The following GALNT11 variants were observed in gnomAD, a reference collection of about 807,000 sequenced individuals.
The protein encoded by GALNT11 is polypeptide N-acetylgalactosaminyltransferase 11.
GALNT11 carries 47 observed loss-of-function variants against 72.7 expected under a neutral mutation model. The ratio of observed to expected loss-of-function variants is 0.65; its 90% CI spans 0.51 to 0.82. The LOEUF is 0.82. Ranked by LOEUF, GALNT11 falls within the 40% of genes least tolerant of loss-of-function variation. The pLI is 0.00. For missense variants in GALNT11, 677 were observed against 778.4 expected, an observed-to-expected ratio of 0.87 and a Z score of 1.55; for synonymous variants, 270 against 286.6, an observed-to-expected ratio of 0.94 and a Z score of 0.58.
intron 8 of GALNT11, among the ~76,000 whole-genome samples, chr7:152,114,939 T>C (rs1020925133): frequency 6.6e-6 from 1 of 152,206 alleles, no homozygotes; most frequent in Admixed American, 6.5e-5. Flanking sequence ...TGCACAGTAA[T>C]TTTTCACACC....
chr7:152,088,400 A>C (rs1352865460), intron 1 of GALNT11, among the ~76,000 whole-genome samples: 1 of 151,656 alleles, frequency 6.6e-6, no homozygotes, highest in Admixed American at 6.6e-5. Flanking sequence ...TTTTTCTTTT[A>C]ATTTATGAAG....
chr7:152,070,792 A>T (rs2084590843), intron 1 of GALNT11, among the ~76,000 whole-genome samples: 1 of 152,158 alleles, frequency 6.6e-6, no homozygotes, highest in Non-Finnish European at 1.5e-5. Context: ...CTGCCCCAAT[A>T]TTCACGTAGG....
chr7:152,084,340 TTGAGTC>T (rs137992494), intron 1 of GALNT11, among the ~76,000 whole-genome samples: 1,671 of 149,550 alleles, frequency 0.011, 32 homozygotes, highest in African/African-American at 0.04. Context: ...AGTGTGGAGT[TTGAGTC>T]TAGCCCGGGC....
chr7:152,050,054 G>C (rs2083318589), intron 1 of GALNT11, among the ~76,000 whole-genome samples: 1 of 152,076 alleles, frequency 6.6e-6, no homozygotes. Context: ...CCATCCAAGA[G>C]CCAAGGCCTG....
At chr7:152,028,195 C>G (rs1288477332) in intron 1 of GALNT11, among the ~76,000 whole-genome samples, 2 of 152,222 alleles carry the variant, frequency 1.3e-5, no homozygotes, top group Non-Finnish European at 2.9e-5. Flanking sequence ...CTCCAGTGGC[C>G]TGCTTTTATT....
chr7:152,065,882 G>A (rs2084279189), intron 1 of GALNT11, among the ~76,000 whole-genome samples: 3 of 152,292 alleles, frequency 2.0e-5, no homozygotes, highest in South Asian at 4.1e-4. Flanking sequence ...AGGCTACTTG[G>A]GGGTCAGGGA....
At position 152,120,833 on chromosome 7, in the gene GALNT11, C is replaced by A; in HGVS notation, c.1560C>A (p.Ile520=). The stretch of plus-strand genomic sequence containing the variant: ...TTTATTTTATTTTTCTTCTCTAGAT[C>A]TGGATCTATAATGAAGAGCATGAAT... The part of the protein sequence containing the change: ...KACDYSDPNQ[I]WIYNEEHELV... The change falls in exon 11 of 12, where the codon ATC becomes ATA. Residue 520 remains isoleucine (I), a splice_region_variant and synonymous_variant. Coordinates refer to ENST00000430044, the MANE Select transcript of GALNT11 (RefSeq NM_022087.4). 6.2e-7 allele frequency: 1 copy of A among 1,600,496 alleles called. No homozygotes were observed. The highest frequency in any genetic ancestry group is 8.6e-7 in the Non-Finnish European group (1 of 1,169,454).
chr7:152,061,759 A>C (rs1355620355), intron 1 of GALNT11, among the ~76,000 whole-genome samples: 1 of 152,088 alleles, frequency 6.6e-6, no homozygotes, highest in Non-Finnish European at 1.5e-5. Context: ...TGTTTTTGTC[A>C]GGTTTGTCAA....
At chr7:152,111,615 T>C (rs1349912143) in intron 7 of GALNT11, among the ~76,000 whole-genome samples, 1 of 149,526 alleles carries the variant, frequency 6.7e-6, no homozygotes, top group Non-Finnish European at 1.5e-5. Flanking sequence ...GTTATTCCAC[T>C]CTGTGTGTGT....
At position 152,121,537 on chromosome 7, in the gene GALNT11, T is replaced by C. The variant is rs2089438788; in HGVS notation, c.1696-9T>C. 6.2e-7 allele frequency: 1 copy of C among 1,603,060 alleles called. No homozygotes were observed. Among genetic ancestry groups the C allele is most frequent in the Non-Finnish European group, 8.5e-7 (1 of 1,175,228 alleles). On this transcript the variant is annotated splice_polypyrimidine_tract_variant and intron_variant, in intron 11 of 11. Transcript: ENST00000430044. ...TGGCAGTATTTTTTTGTTGCTACCT[T>C]TTTTTCAGAAAAACAATCGGCTATA...
chr7:152,114,405 T>G (rs10239217), intron 8 of GALNT11, among the ~76,000 whole-genome samples: 4,879 of 152,288 alleles, frequency 0.032, 262 homozygotes, highest in African/African-American at 0.11. Context: ...TGGTCTTTTC[T>G]GTCTGGCTTC....
chr7:152,088,606 T>G (rs759686924), intron 1 of GALNT11, among the ~76,000 whole-genome samples: 2 of 152,054 alleles, frequency 1.3e-5, no homozygotes, highest in Non-Finnish European at 2.9e-5. Flanking sequence ...ATCAGAGTGG[T>G]AACAGCCTCA....
At chr7:152,095,998 G>A (rs960666589) in intron 2 of GALNT11, among the ~76,000 whole-genome samples, 3 of 152,130 alleles carry the variant, frequency 2.0e-5, no homozygotes, top group Non-Finnish European at 2.9e-5. Flanking sequence ...GAAAAATGCA[G>A]TTAAGAGATC....
At position 152,094,240 on chromosome 7, in the gene GALNT11, A is replaced by G; in HGVS notation, c.13A>G (p.Thr5Ala). The change falls in exon 2 of 12, where the codon ACA becomes GCA. Residue 5 changes from threonine to alanine, a missense_variant. By Grantham distance (58) the Thr-to-Ala change is moderately conservative (BLOSUM62 0). Coordinates refer to ENST00000430044, the MANE Select transcript of GALNT11 (RefSeq NM_022087.4). This position sits in a 1 kb window ranked among gnomAD's most constrained non-coding sequence, Gnocchi z 4.3. MGSV[T>A]VRYFCYGCLF... ...TGCTAGGTCTATAATGGGAAGTGTCACAGTTCGGTATTTCTGTTATGGGTG... is the reference window on the plus strand; with the variant it reads ...TGCTAGGTCTATAATGGGAAGTGTCGCAGTTCGGTATTTCTGTTATGGGTG... 6.2e-7 allele frequency: 1 copy of G among 1,602,636 alleles called. No homozygotes were observed. Among genetic ancestry groups the G allele is most frequent in the Non-Finnish European group, 8.5e-7 (1 of 1,173,642 alleles).
At chr7:152,082,007 A>G (rs766023689) in intron 1 of GALNT11, among the ~76,000 whole-genome samples, 1 of 152,154 alleles carries the variant, frequency 6.6e-6, no homozygotes, top group Admixed American at 6.5e-5. Flanking sequence ...GGACAATGGG[A>G]TTTATTTTAG....
intron 2 of GALNT11, among the ~76,000 whole-genome samples, chr7:152,098,266 G>A (rs2086523502): frequency 6.6e-6 from 1 of 151,808 alleles, no homozygotes; most frequent in African/African-American, 2.4e-5. Flanking sequence ...AGCTTAAGGT[G>A]GTATCTACTG....
At chr7:152,043,985 T>A (rs889486545) in intron 1 of GALNT11, among the ~76,000 whole-genome samples, 3 of 152,194 alleles carry the variant, frequency 2.0e-5, no homozygotes, top group Non-Finnish European at 4.4e-5. Context: ...TTCCACATTC[T>A]CCAACTGTTG....
chr7:152,101,912 G>A (rs550949267), intron 3 of GALNT11, among the ~76,000 whole-genome samples: 86 of 152,194 alleles, frequency 5.7e-4, no homozygotes, highest in African/African-American at 2.0e-3. Context: ...GATTACAGGC[G>A]TGAGCCACTG....
At chr7:152,093,998 C>T (rs1181183468) in intron 1 of GALNT11, 192 bp from the exon 2 acceptor site, 8 of 427,236 alleles carry the variant, frequency 1.9e-5, no homozygotes, top group Non-Finnish European at 3.2e-5. Context: ...AGCATTAACC[C>T]ACAGGCCTGA....
Sources: gnomAD v4.1 joint callset for allele counts (sites outside exome capture counted in the v4.1 genomes callset) on GRCh38, gnomAD v4.1.1 for gene constraint, Gnocchi (gnomAD v3.1) non-coding constraint, MANE v1.5 for transcripts, NCBI Gene and HGNC (gene_info 2026-07-23, HGNC 2026-07-21) for gene names.